The following GPD1L variants were observed in gnomAD, a reference collection of about 807,000 sequenced individuals.
The protein encoded by GPD1L is glycerol-3-phosphate dehydrogenase 1-like protein.
Under a neutral mutation model 32.9 loss-of-function variants are expected in GPD1L, and 17 were observed. The observed-to-expected ratio is 0.52, with a 90% CI of 0.35 to 0.78. The LOEUF (loss-of-function observed/expected upper bound fraction) is 0.78, where lower values mean the gene tolerates loss of function less well. Among genes scored for constraint, GPD1L ranks in the 30% least tolerant of loss-of-function variants. The pLI, the probability that GPD1L is intolerant of heterozygous loss-of-function variation, is 0.01. For missense variants in GPD1L, 361 were observed against 447.8 expected (o/e 0.81, Z 1.75); for synonymous variants, 187 against 165.9 (o/e 1.13, Z -0.98).
chr3:32,125,083 T>A (rs1021170160), intron 1 of GPD1L, among the ~76,000 whole-genome samples: 1 of 152,108 alleles, frequency 6.6e-6, no homozygotes, highest in African/African-American at 2.4e-5. Context: ...GGCCTTAAGG[T>A]ACTAGGATCA....
At chr3:32,157,457 G>A (rs1314942055) in intron 5 of GPD1L, among the ~76,000 whole-genome samples, 2 of 152,148 alleles carry the variant, frequency 1.3e-5, no homozygotes, top group East Asian at 3.9e-4. Context: ...GCTCTCCCCT[G>A]GGGGCATCTT....
Position 32,146,516 on chromosome 3 carries a change from A to G in GPD1L, c.506-106A>G, listed in dbSNP as rs1319047808. ...GTGTTTTCTAAATATCCTATCATGAACATGTTACTTTTATAGTAAGTAGAA... is the reference window on the plus strand; with the variant it reads ...GTGTTTTCTAAATATCCTATCATGAGCATGTTACTTTTATAGTAAGTAGAA... On this transcript the variant is annotated intron_variant, in intron 4 of 7. Coordinates refer to ENST00000282541, the MANE Select transcript of GPD1L (RefSeq NM_015141.4). 3 of 753,958 alleles carry G rather than the reference A, an allele frequency of 4.0e-6. No homozygotes were observed. The East Asian group carries it at 7.6e-5, about 19-fold the overall frequency. The allele number at this position is 753,958 out of a possible 1,614,324, so 46.7% of individuals were successfully genotyped here.
At chr3:32,108,569 G>A (rs964174810) in intron 1 of GPD1L, among the ~76,000 whole-genome samples, 2 of 152,148 alleles carry the variant, frequency 1.3e-5, no homozygotes, top group African/African-American at 4.8e-5. Flanking sequence ...ACCAAAAACA[G>A]TGAAACATCA....
intron 5 of GPD1L, among the ~76,000 whole-genome samples, chr3:32,152,898 G>A (rs951140133): frequency 2.0e-5 from 3 of 151,890 alleles, no homozygotes; most frequent in Admixed American, 6.6e-5. Flanking sequence ...TTCAAGGAAG[G>A]TTCTGGAAAA....
intron 6 of GPD1L, 34 bp from the exon 7 acceptor site, chr3:32,159,534 A>G: frequency 8.4e-7 from 1 of 1,185,996 alleles, no homozygotes. Context: ...TCTTTACCAT[A>G]GTTTTTTTAA....
In GPD1L at chr3:32,127,893, C is replaced by T. The variant is rs769153282; in HGVS notation, c.48-183C>T. On this transcript the variant is annotated intron_variant, in intron 1 of 7. Transcript: ENST00000282541. The stretch of plus-strand genomic sequence containing the variant: ...ATTCTGGTGCTTTCCCAGTCACAGG[C>T]GGTGGTATTCCATGTGAAAACAACT... Among the ~76,000 whole-genome samples the T allele has an allele frequency of 9.1e-4, 138 of 152,024 alleles. 1 individual carries two copies. The highest frequency in any genetic ancestry group is 3.1e-4 in the Non-Finnish European group (21 of 68,006).
At chr3:32,111,185 C>T (rs1241534152) in intron 1 of GPD1L, among the ~76,000 whole-genome samples, 2 of 152,182 alleles carry the variant, frequency 1.3e-5, no homozygotes, top group African/African-American at 4.8e-5. Flanking sequence ...TTTCTTTTAA[C>T]CAGCACCTTG....
chr3:32,108,669 G>T (rs1359594940), intron 1 of GPD1L, among the ~76,000 whole-genome samples: 5 of 152,212 alleles, frequency 3.3e-5, no homozygotes, highest in African/African-American at 1.2e-4. Context: ...TTCCATGCAA[G>T]TGAATGCTTA....
intron 3 of GPD1L, among the ~76,000 whole-genome samples, chr3:32,139,888 C>T (rs1357961514): frequency 6.6e-6 from 1 of 152,080 alleles, no homozygotes; most frequent in Admixed American, 6.5e-5. Context: ...AGGGACCATC[C>T]GATGTGGTAA....
At chr3:32,127,171 T>TGGG (rs1158979289) in intron 1 of GPD1L, among the ~76,000 whole-genome samples, 1 of 152,194 alleles carries the variant, frequency 6.6e-6, no homozygotes, top group African/African-American at 2.4e-5. Flanking sequence ...GTCTTGAGAA[T>TGGG]AATTGTGAGA....
chr3:32,112,360 C>T (rs56101018), intron 1 of GPD1L, among the ~76,000 whole-genome samples: 2 of 56,264 alleles, frequency 3.6e-5, no homozygotes, highest in Admixed American at 1.3e-4. Flanking sequence ...CATGGCCGGG[C>T]GCAGTGGCTC....
chr3:32,127,759 G>T (rs1408794972), intron 1 of GPD1L, among the ~76,000 whole-genome samples: 1 of 152,104 alleles, frequency 6.6e-6, no homozygotes, highest in African/African-American at 2.4e-5. Context: ...ACCTTCTAGG[G>T]TCATTTTCAT....
In GPD1L at chr3:32,138,444, G is replaced by A. The variant is rs962057022; in HGVS notation, c.226-143G>A. On this transcript the variant is annotated intron_variant, in intron 2 of 7. Transcript: ENST00000282541. ...CCCCATAAGGAATAAGGAAGGCAAA[G>A]CAAACACACTTGCCTTCCTTGTCTA... The A allele has an allele frequency of 4.6e-5, 39 of 843,056 alleles. No homozygotes were observed. In the East Asian group the frequency reaches 9.2e-4, roughly 20 times the overall value. The allele number at this position is 843,056 out of a possible 1,614,324, so 52.2% of individuals were successfully genotyped here.
In GPD1L at chr3:32,131,042, A is replaced by G. The variant is rs1700580989; in HGVS notation, c.225+2789A>G. Among the ~76,000 whole-genome samples, 3 of 152,112 alleles carry G rather than the reference A, an allele frequency of 2.0e-5. No individual in the cohort carries two copies. The East Asian group carries it at 5.8e-4, about 29-fold the overall frequency. ...AAAAAAATAGAATGCTCCGTTTAAA[A>G]AAAAAAAGAATGCTCATTATTTTCT... On this transcript the variant is annotated intron_variant, in intron 2 of 7. Coordinates refer to ENST00000282541, the MANE Select transcript of GPD1L (RefSeq NM_015141.4).
intron 5 of GPD1L, chr3:32,158,644 G>C (rs969990496): frequency 7.1e-6 from 6 of 848,366 alleles, no homozygotes; most frequent in African/African-American, 1.7e-5. Context: ...CTCTTCAACT[G>C]CTGACCCCAA....
chr3:32,110,567 A>G (rs1284972647), intron 1 of GPD1L, among the ~76,000 whole-genome samples: 1 of 152,264 alleles, frequency 6.6e-6, no homozygotes, highest in South Asian at 2.1e-4. Context: ...TATTGAATCT[A>G]GCTGGCTTGC....
intron 5 of GPD1L, among the ~76,000 whole-genome samples, chr3:32,148,231 C>A (rs778131168): frequency 8.5e-5 from 13 of 152,320 alleles, no homozygotes; most frequent in Non-Finnish European, 1.8e-4. Context: ...AGCTGTGAAA[C>A]CCTGCCCAGA....
intron 5 of GPD1L, chr3:32,151,104 A>G (rs969908724): frequency 1.3e-5 from 6 of 456,972 alleles, no homozygotes; most frequent in African/African-American, 8.1e-5. Context: ...TTCATAGAGA[A>G]TAAGTCCCAG....
At chr3:32,128,390 T>C (rs1700543323) in intron 2 of GPD1L, 137 bp downstream of exon 2, 3 of 758,522 alleles carry the variant, frequency 4.0e-6, no homozygotes, top group Middle Eastern at 2.3e-4. Flanking sequence ...TGGTTGGTTT[T>C]GGTCTTCCTG....
Sources: gnomAD v4.1 joint callset for allele counts (sites outside exome capture counted in the v4.1 genomes callset) on GRCh38, gnomAD v4.1.1 for gene constraint, MANE v1.5 for transcripts, NCBI Gene and HGNC (gene_info 2026-07-23, HGNC 2026-07-21) for gene names.